Variants in ROS1 observed in about 807,000 individuals in gnomAD.
ROS1 encodes proto-oncogene tyrosine-protein kinase ROS.
In ROS1, 263 loss-of-function variants were observed where a neutral mutation model predicts 273.5. That is an observed-to-expected ratio of 0.96 (90% CI 0.87 to 1.06). The LOEUF is 1.06. Ranked by LOEUF, ROS1 falls within the 50% of genes least tolerant of loss-of-function variation. The probability of loss-of-function intolerance (pLI) is 0.00; values close to 1 mark genes in which losing one functional copy is unlikely to be tolerated. For missense variants in ROS1, 2,833 were observed against 2,751.1 expected (o/e 1.03, Z -0.67); for synonymous variants, 1,008 against 954.1 (o/e 1.06, Z -1.04).
chr6:117,371,064 T>C (rs1181370707), intron 18 of ROS1, among the ~76,000 whole-genome samples: 2 of 152,086 alleles, frequency 1.3e-5, no homozygotes, highest in Non-Finnish European at 2.9e-5. Flanking sequence ...GTTCCCAAAA[T>C]AGTGAATAGG....
In ROS1 at chr6:117,341,509, GA is replaced by G; in HGVS notation, c.4774del (p.Ser1592HisfsTer5). On this transcript the variant is annotated frameshift_variant, in exon 30 of 44. Coordinates refer to ENST00000368507, the MANE Select transcript of ROS1 (RefSeq NM_001378902.1). LOFTEE classifies it high-confidence loss of function. ...KESVRYQLAI[S>X]HLALIPETPL... ...AGTTTCAGGAATTAGGGCCAGGTGT[GA>G]GATTGCCAACTGATAACGGACTGAT... is the stretch of plus-strand genomic sequence containing the variant. The G allele has an allele frequency of 6.2e-7, 1 of 1,613,800 alleles. No individual in the cohort carries two copies. Among genetic ancestry groups the G allele is most frequent in the Non-Finnish European group, 8.5e-7 (1 of 1,179,744 alleles).
At chr6:117,343,517 A>T (rs941592926) in intron 28 of ROS1, among the ~76,000 whole-genome samples, 3 of 152,294 alleles carry the variant, frequency 2.0e-5, no homozygotes, top group Admixed American at 1.3e-4. Context: ...ATAGTTAGTG[A>T]ATGCCTACAC....
At chr6:117,341,706 G>C (rs1777943139) in intron 29 of ROS1, 74 bp from the exon 30 acceptor site, 8 of 1,108,824 alleles carry the variant, frequency 7.2e-6, no homozygotes, top group African/African-American at 1.5e-5. Context: ...ATGGAGTTTG[G>C]GTTGAAGAGT....
At chr6:117,310,944 T>C in intron 40 of ROS1, 76 bp downstream of exon 40, 2 of 826,308 alleles carry the variant, frequency 2.4e-6, no homozygotes, top group Admixed American at 5.0e-5. Context: ...TTAATTATCT[T>C]GTGTGCTTTA....
chr6:117,376,864 C>A (rs554815502), intron 18 of ROS1, among the ~76,000 whole-genome samples: 1 of 151,994 alleles, frequency 6.6e-6, no homozygotes, highest in Non-Finnish European at 1.5e-5. Flanking sequence ...AAAATTCCAG[C>A]AGGATTTATT....
Position 117,300,503 on chromosome 6 carries a change from G to A in ROS1, c.6715+471C>T, listed in dbSNP as rs747711021. Among the ~76,000 whole-genome samples the A allele has an allele frequency of 5.9e-5, 9 of 152,236 alleles. 1 individual carries two copies. The South Asian group carries it at 8.3e-4, about 14-fold the overall frequency. On this transcript the variant is annotated intron_variant, in intron 43 of 43. Transcript: ENST00000368507. Reference sequence around the variant, plus strand: ...AAATGAAAAGATACACACTAAAGACGTTAGAATAGTTGCCTGACAGGGAGG... The same window carrying A: ...AAATGAAAAGATACACACTAAAGACATTAGAATAGTTGCCTGACAGGGAGG...
chr6:117,342,265 A>C, intron 29 of ROS1, 135 bp downstream of exon 29: 1 of 814,826 alleles, frequency 1.2e-6, no homozygotes, highest in Admixed American at 2.9e-5. Flanking sequence ...TTCTACAAAC[A>C]CATTTTTCTT....
chr6:117,378,943 A>G, intron 18 of ROS1, 116 bp downstream of exon 18: 1 of 657,004 alleles, frequency 1.5e-6, no homozygotes, highest in Admixed American at 2.8e-5. Context: ...CAATGCCTGC[A>G]ACACAGTGGA....
intron 31 of ROS1, among the ~76,000 whole-genome samples, chr6:117,340,048 ATCCT>A (rs1312357139): frequency 6.6e-6 from 1 of 152,134 alleles, no homozygotes; most frequent in Non-Finnish European, 1.5e-5. Flanking sequence ...TGAACTTTAC[ATCCT>A]TCCTCTTGGT....
At chr6:117,307,370 T>G (rs1308255551) in intron 42 of ROS1, among the ~76,000 whole-genome samples, 2 of 152,156 alleles carry the variant, frequency 1.3e-5, no homozygotes, top group African/African-American at 4.8e-5. Flanking sequence ...AAGGAAAATT[T>G]TGTGCAACTG....
At chr6:117,315,720 A>G (rs371693652) in intron 39 of ROS1, among the ~76,000 whole-genome samples, 2 of 152,280 alleles carry the variant, frequency 1.3e-5, no homozygotes, top group African/African-American at 4.8e-5. Context: ...AAGTCATGAG[A>G]TACATGGAAA....
chr6:117,360,392 G>A lies in ROS1; in HGVS notation c.3380C>T (p.Thr1127Ile). The change falls in exon 23 of 44, where the codon ACA becomes ATA. Residue 1127 changes from threonine (T) to isoleucine (I), a missense_variant. Physicochemically the swap from Thr to Ile is moderately conservative, Grantham distance 89 (BLOSUM62 -1). Coordinates refer to ENST00000368507, the MANE Select transcript of ROS1 (RefSeq NM_001378902.1). ...AGCATATGGTCCTGGCCCCTTAGAT[G>A]TAAAGGCCCTAACCTAAAGAAAAGG... ...CFIAFQVRAF[T>I]SKGPGPYADV... The A allele has an allele frequency of 6.2e-7, 1 of 1,613,060 alleles. No individual in the cohort carries two copies. Among genetic ancestry groups the A allele is most frequent in the Non-Finnish European group, 8.5e-7 (1 of 1,179,420 alleles).
chr6:117,417,446 A>G (rs1431668183), intron 2 of ROS1, among the ~76,000 whole-genome samples: 2 of 152,142 alleles, frequency 1.3e-5, no homozygotes, highest in East Asian at 3.9e-4. Flanking sequence ...GCCATTTACC[A>G]CTTGCCAAAA....
At chr6:117,307,564 C>A (rs1775200100) in intron 42 of ROS1, among the ~76,000 whole-genome samples, 1 of 151,570 alleles carries the variant, frequency 6.6e-6, no homozygotes. Flanking sequence ...ATAATTTTTC[C>A]CCATTTCCCC....
chr6:117,360,327 T>C lies in ROS1; in HGVS notation c.3430+15A>G. ...CTCTAAATTATTATTTGCACAGATT[T>C]TAGAAAACAAATACCTGATGTTGTA... On this transcript the variant is annotated intron_variant, in intron 23 of 43. Transcript: ENST00000368507. 1 of 1,603,216 alleles carries C rather than the reference T, an allele frequency of 6.2e-7. No homozygotes were observed. The highest frequency in any genetic ancestry group is 1.1e-5 in the South Asian group (1 of 90,774).
intron 27 of ROS1, 33 bp from the exon 28 acceptor site, chr6:117,344,295 C>A: frequency 6.8e-7 from 1 of 1,478,646 alleles, no homozygotes; most frequent in Non-Finnish European, 9.4e-7. Context: ...GATTAAATAT[C>A]TATACTATAT....
intron 20 of ROS1, 70 bp downstream of exon 20, chr6:117,365,511 G>T (rs1159063573): frequency 3.8e-6 from 5 of 1,313,394 alleles, no homozygotes; most frequent in African/African-American, 1.5e-5. Flanking sequence ...ATACAGGTCA[G>T]TGTGGGCAAG....
chr6:117,389,498 T>C lies in ROS1; in HGVS notation c.1638A>G (p.Ile546Met), dbSNP rs28639589. The C allele has an allele frequency of 0.033, 53,094 of 1,614,114 alleles. 1,495 individuals carry two copies. The highest frequency in any genetic ancestry group is 0.11 in the Admixed American group (6,787 of 60,018). Residue 546 changes from isoleucine to methionine, a missense_variant, in exon 13 of 44, where the codon ATA becomes ATG. Physicochemically the swap from Ile to Met is conservative, Grantham distance 10. Coordinates refer to ENST00000368507, the MANE Select transcript of ROS1 (RefSeq NM_001378902.1). ...CCAAGTTACCAAACCCAAATTCTTC[T>C]ATGTGACTCAGGTCACATCCCACGA... ...EFIVGCDLSH[I>M]EEFGFGNLVI...
chr6:117,307,204 C>T (rs909213578), intron 42 of ROS1, among the ~76,000 whole-genome samples: 3 of 152,190 alleles, frequency 2.0e-5, no homozygotes, highest in African/African-American at 7.2e-5. Flanking sequence ...TTATTAACCC[C>T]CCTGCCCCAA....
Sources: gnomAD v4.1 joint callset for allele counts (sites outside exome capture counted in the v4.1 genomes callset) on GRCh38, gnomAD v4.1.1 for gene constraint, MANE v1.5 for transcripts, NCBI Gene and HGNC (gene_info 2026-07-23, HGNC 2026-07-21) for gene names.